Variants in ALK observed in about 807,000 individuals in gnomAD.
The protein encoded by ALK is ALK tyrosine kinase receptor.
ALK carries 74 observed loss-of-function variants against 163.1 expected under a neutral mutation model. That is an observed-to-expected ratio of 0.45 (90% CI 0.38 to 0.55). ALK has a LOEUF of 0.55. Among genes scored for constraint, ALK ranks in the 20% least tolerant of loss-of-function variants. ALK has a pLI of 0.00. For missense variants in ALK, 2,063 were observed against 2,105.3 expected, an observed-to-expected ratio of 0.98 and a Z score of 0.39; for synonymous variants, 960 against 843.2, an observed-to-expected ratio of 1.14 and a Z score of -2.40.
chr2:29,695,380 T>C (rs554513267), intron 2 of ALK, among the ~76,000 whole-genome samples: 1 of 152,248 alleles, frequency 6.6e-6, no homozygotes, highest in Admixed American at 6.5e-5. Context: ...TGAGTCCAAG[T>C]CTGGCTCTGC....
At chr2:29,383,911 A>G (rs376780772) in intron 4 of ALK, 52 bp from the exon 5 acceptor site, 147 of 1,611,008 alleles carry the variant, frequency 9.1e-5, no homozygotes, top group Non-Finnish European at 1.2e-4. Context: ...AGATATGAGA[A>G]TTAGGCCTAA....
intron 3 of ALK, among the ~76,000 whole-genome samples, chr2:29,675,527 C>G (rs1050669066): frequency 6.6e-5 from 10 of 151,992 alleles, no homozygotes; most frequent in Admixed American, 6.6e-5. Flanking sequence ...AGGGGGAGGT[C>G]CGAACCCTCA....
intron 1 of ALK, among the ~76,000 whole-genome samples, chr2:29,894,372 A>G (rs1667217964): frequency 6.6e-6 from 1 of 152,148 alleles, no homozygotes; most frequent in South Asian, 2.1e-4. Flanking sequence ...ATACTTGGGC[A>G]AGGGACAACC....
intron 1 of ALK, among the ~76,000 whole-genome samples, chr2:29,806,947 G>GCGCACATGTGCACGTGCA (rs1664633345): frequency 6.6e-6 from 1 of 152,216 alleles, no homozygotes; most frequent in Non-Finnish European, 1.5e-5. Flanking sequence ...ATAGATGTGT[G>GCGCACATGTGCACGTGCA]CGCACATGTG....
intron 3 of ALK, among the ~76,000 whole-genome samples, chr2:29,611,515 A>G (rs1370282907): frequency 6.6e-6 from 1 of 152,164 alleles, no homozygotes; most frequent in Non-Finnish European, 1.5e-5. Flanking sequence ...AGTTACATGA[A>G]ATGGTTATGT....
At position 29,920,952 on chromosome 2, in the gene ALK, C is replaced by A; in HGVS notation, c.-293G>T. 2.0e-6 allele frequency: 1 copy of A among 494,988 alleles called. No homozygotes were observed. The allele number at this position is 494,988 out of a possible 1,614,324, so 30.7% of individuals were successfully genotyped here. On this transcript the variant is annotated 5_prime_UTR_variant, in exon 1 of 29. Coordinates refer to ENST00000389048, the MANE Select transcript of ALK (RefSeq NM_004304.5). Reference sequence around the variant, plus strand: ...CCGCTCTCCGCGCCGAGTGCCGCGCCCCCGTCTGTAGCTCGCTGCGCTCGG... The same window carrying A: ...CCGCTCTCCGCGCCGAGTGCCGCGCACCCGTCTGTAGCTCGCTGCGCTCGG...
chr2:29,721,369 A>G lies in ALK; in HGVS notation c.668-3672T>C, dbSNP rs140820577. 1.8e-3 allele frequency among the ~76,000 whole-genome samples: 275 copies of G among 152,294 alleles called. 1 individual carries two copies. The highest frequency in any genetic ancestry group is 3.1e-3 in the Non-Finnish European group (208 of 68,016). On this transcript the variant is annotated intron_variant, in intron 1 of 28. Transcript: ENST00000389048. ...AGTGGGAGAAGAGGGGTGGAGGAACACACAACAGTGCTGACAGGCCTCATT... is the reference window on the plus strand; with the variant it reads ...AGTGGGAGAAGAGGGGTGGAGGAACGCACAACAGTGCTGACAGGCCTCATT...
intron 3 of ALK, among the ~76,000 whole-genome samples, chr2:29,564,042 A>G (rs927040182): frequency 1.3e-5 from 2 of 152,178 alleles, no homozygotes; most frequent in African/African-American, 4.8e-5. Context: ...TCTTTAGGAC[A>G]TTAGCCCACC....
At chr2:29,207,518 A>G (rs905355611) in intron 25 of ALK, among the ~76,000 whole-genome samples, 5 of 152,234 alleles carry the variant, frequency 3.3e-5, no homozygotes, top group African/African-American at 4.8e-5. Context: ...CTATGCAATG[A>G]CTAAGATACC....
chr2:29,511,271 T>C (rs1672503886), intron 4 of ALK, among the ~76,000 whole-genome samples: 1 of 152,122 alleles, frequency 6.6e-6, no homozygotes, highest in Non-Finnish European at 1.5e-5. Context: ...CAAAAAGTTA[T>C]CTTGTCCCTT....
At chr2:29,736,799 TAG>T (rs1174911235) in intron 1 of ALK, among the ~76,000 whole-genome samples, 2 of 151,954 alleles carry the variant, frequency 1.3e-5, no homozygotes, top group African/African-American at 2.4e-5. Context: ...TCACAGAAAA[TAG>T]AGTTAACATT....
intron 1 of ALK, among the ~76,000 whole-genome samples, chr2:29,797,411 C>T (rs1664347993): frequency 6.6e-6 from 1 of 152,164 alleles, no homozygotes; most frequent in South Asian, 2.1e-4. Context: ...CCCCTGCACC[C>T]CAGTTATATT....
At chr2:29,533,640 G>A (rs571424814) in intron 3 of ALK, among the ~76,000 whole-genome samples, 4 of 152,236 alleles carry the variant, frequency 2.6e-5, no homozygotes, top group South Asian at 4.2e-4. Context: ...CCATTTATTC[G>A]GTCCCTTCCT....
In ALK at chr2:29,362,135, G is replaced by C. The variant is rs188014798; in HGVS notation, c.1282+21597C>G. ...GGAGGGCTCCGGAATGGATTGATGG[G>C]TGGTGGGCAGGAAGAATCGAAGAGA... is the stretch of plus-strand genomic sequence containing the variant. On this transcript the variant is annotated intron_variant, in intron 5 of 28. Coordinates refer to ENST00000389048, the MANE Select transcript of ALK (RefSeq NM_004304.5). Among the ~76,000 whole-genome samples the C allele has an allele frequency of 3.3e-5, 5 of 152,310 alleles. No individual in the cohort carries two copies. The East Asian group carries it at 9.7e-4, about 29-fold the overall frequency.
chr2:29,462,214 T>C (rs1040632074), intron 4 of ALK, among the ~76,000 whole-genome samples: 1 of 152,194 alleles, frequency 6.6e-6, no homozygotes, highest in Non-Finnish European at 1.5e-5. Context: ...ATTGTTAACA[T>C]TGTTGAAATG....
chr2:29,404,793 C>T (rs1034787779), intron 4 of ALK, among the ~76,000 whole-genome samples: 3 of 152,166 alleles, frequency 2.0e-5, no homozygotes, highest in Admixed American at 6.5e-5. Context: ...CCCAGTGCAG[C>T]ATGGGACAGG....
intron 1 of ALK, among the ~76,000 whole-genome samples, chr2:29,894,852 A>AC (rs1558537552): frequency 4.1e-3 from 129 of 31,092 alleles, no homozygotes; most frequent in African/African-American, 7.0e-3. Context: ...ACACACACAC[A>AC]AACACACACA....
At chr2:29,903,188 T>C (rs1161796239) in intron 1 of ALK, among the ~76,000 whole-genome samples, 1 of 152,168 alleles carries the variant, frequency 6.6e-6, no homozygotes, top group Non-Finnish European at 1.5e-5. Flanking sequence ...CCTGAACGCA[T>C]GGAAAGTCTC....
At chr2:29,712,464 C>T (rs1231648332) in intron 2 of ALK, among the ~76,000 whole-genome samples, 2 of 152,180 alleles carry the variant, frequency 1.3e-5, no homozygotes, top group Non-Finnish European at 2.9e-5. Flanking sequence ...CACCAGTGCT[C>T]CTGAGGACCA....
Sources: allele counts gnomAD v4.1 joint callset (sites outside exome capture counted in the v4.1 genomes callset), GRCh38; gene constraint gnomAD v4.1.1; transcripts MANE v1.5; gene names NCBI Gene and HGNC (gene_info 2026-07-23, HGNC 2026-07-21).